SLC35F4: variants seen among roughly 807,000 people sequenced by gnomAD.
SLC35F4 encodes the protein solute carrier family 35 member F4, also known as chromosome 14 open reading frame 36.
In SLC35F4, 24 loss-of-function variants were observed where a neutral mutation model predicts 44.2. The observed-to-expected ratio is 0.54, with a 90% CI of 0.39 to 0.76. The LOEUF (loss-of-function observed/expected upper bound fraction) is 0.76, where lower values mean the gene tolerates loss of function less well. SLC35F4 is among the 30% of genes least tolerant of loss of function. The pLI, the probability that SLC35F4 is intolerant of heterozygous loss-of-function variation, is 0.00. For synonymous variants in SLC35F4, 238 were observed against 223.6 expected (o/e 1.06, Z -0.57); for missense variants, 562 against 586.1 (o/e 0.96, Z 0.42).
At chr14:57,627,076 C>T (rs1489579873) in intron 1 of SLC35F4, among the ~76,000 whole-genome samples, 1 of 152,102 alleles carries the variant, frequency 6.6e-6, no homozygotes, top group East Asian at 1.9e-4. Flanking sequence ...TATCCAAGGG[C>T]AAGGCAACAT....
intron 1 of SLC35F4, among the ~76,000 whole-genome samples, chr14:57,853,687 T>A (rs1886799045): frequency 6.6e-6 from 1 of 152,192 alleles, no homozygotes; most frequent in Admixed American, 6.5e-5. Flanking sequence ...CAGTGGCTAT[T>A]TTCGACCATT....
At chr14:57,580,338 A>G (rs910987607) in intron 4 of SLC35F4, 1 of 165,330 alleles carries the variant, frequency 6.0e-6, no homozygotes, top group African/African-American at 2.4e-5. Flanking sequence ...CAATGTTTTT[A>G]TAACAAAATA....
chr14:57,645,593 T>C (rs189041324), intron 1 of SLC35F4, among the ~76,000 whole-genome samples: 1 of 151,666 alleles, frequency 6.6e-6, no homozygotes, highest in African/African-American at 2.4e-5. Context: ...CTTCGTCTTT[T>C]CCTAATTGAA....
chr14:57,628,483 T>A (rs1333047127), intron 1 of SLC35F4, among the ~76,000 whole-genome samples: 2 of 141,868 alleles, frequency 1.4e-5, no homozygotes, highest in East Asian at 4.0e-4. Flanking sequence ...GTGTGAGATG[T>A]TCCCCTCCCT....
At chr14:57,588,774 G>A (rs1019341147) in intron 3 of SLC35F4, among the ~76,000 whole-genome samples, 1 of 152,150 alleles carries the variant, frequency 6.6e-6, no homozygotes, top group African/African-American at 2.4e-5. Flanking sequence ...AAATGTTTGT[G>A]TAACAATCTT....
chr14:57,630,714 G>A, intron 1 of SLC35F4: 1 of 553,208 alleles, frequency 1.8e-6, no homozygotes, highest in Non-Finnish European at 3.3e-6. Flanking sequence ...ATCATTTTTA[G>A]GCGTGTGTCA....
At chr14:57,894,492 ATAAAAT>A (rs1205274122) in intron 1 of SLC35F4, among the ~76,000 whole-genome samples, 1 of 152,140 alleles carries the variant, frequency 6.6e-6, no homozygotes, top group East Asian at 1.9e-4. Context: ...GTCACAGTAA[ATAAAAT>A]TAAGTGAAAA....
At chr14:57,690,008 G>T (rs1239370828) in intron 1 of SLC35F4, among the ~76,000 whole-genome samples, 2 of 151,984 alleles carry the variant, frequency 1.3e-5, no homozygotes, top group Non-Finnish European at 2.9e-5. Context: ...CATGCTTTCT[G>T]CCACCTCTAA....
chr14:57,722,218 T>C (rs2076102037), intron 1 of SLC35F4, among the ~76,000 whole-genome samples: 5 of 152,196 alleles, frequency 3.3e-5, no homozygotes. Flanking sequence ...CATTTAATGT[T>C]GCAGCTCAGG....
intron 1 of SLC35F4, among the ~76,000 whole-genome samples, chr14:57,804,973 C>T (rs1881127688): frequency 6.6e-6 from 1 of 152,070 alleles, no homozygotes; most frequent in African/African-American, 2.4e-5. Flanking sequence ...CATGAACAGA[C>T]ACTTCTCAAA....
intron 1 of SLC35F4, among the ~76,000 whole-genome samples, chr14:57,725,155 C>T (rs2076171415): frequency 1.3e-5 from 2 of 152,178 alleles, no homozygotes; most frequent in East Asian, 3.9e-4. Context: ...TCTGTGGACA[C>T]CTGTCAGCCT....
chr14:57,582,240 G>A (rs2069332812), intron 3 of SLC35F4, among the ~76,000 whole-genome samples: 1 of 151,914 alleles, frequency 6.6e-6, no homozygotes, highest in African/African-American at 2.4e-5. Flanking sequence ...CTCTTACCCA[G>A]GCTGGAATGC....
upstream of SLC35F4, among the ~76,000 whole-genome samples, chr14:57,868,889 A>G (rs1595257392): frequency 6.6e-6 from 1 of 152,386 alleles, no homozygotes; most frequent in East Asian, 1.9e-4. Flanking sequence ...TTCTGAAAGA[A>G]TAAAGAAAAG....
intron 1 of SLC35F4, among the ~76,000 whole-genome samples, chr14:57,749,387 A>G (rs2076831347): frequency 6.6e-6 from 1 of 152,144 alleles, no homozygotes. Flanking sequence ...ATCCAAGTGA[A>G]TGATCAGCGG....
At chr14:57,898,918 G>A (rs779644898) in intron 1 of SLC35F4, among the ~76,000 whole-genome samples, 1 of 152,172 alleles carries the variant, frequency 6.6e-6, no homozygotes, top group Non-Finnish European at 1.5e-5. Context: ...CTCCAGAAGA[G>A]CTGCAGGATC....
intron 1 of SLC35F4, among the ~76,000 whole-genome samples, chr14:57,916,402 A>T (rs1287378953): frequency 1.3e-5 from 2 of 152,036 alleles, no homozygotes; most frequent in Non-Finnish European, 2.9e-5. Flanking sequence ...GCTTCAAGAT[A>T]TTTTTCTTTA....
intron 1 of SLC35F4, among the ~76,000 whole-genome samples, chr14:57,745,132 G>A (rs937603380): frequency 1.2e-4 from 19 of 152,030 alleles, no homozygotes; most frequent in African/African-American, 3.6e-4. Flanking sequence ...TAAAAACCCT[G>A]GAAGAAAACC....
chr14:57,709,703 G>A (rs2075769777), intron 1 of SLC35F4, among the ~76,000 whole-genome samples: 1 of 152,092 alleles, frequency 6.6e-6, no homozygotes, highest in Non-Finnish European at 1.5e-5. Flanking sequence ...CTTTGAACTT[G>A]AAAGAGATGA....
chr14:57,617,992 T>C (rs1044337519), intron 1 of SLC35F4, among the ~76,000 whole-genome samples: 5 of 152,214 alleles, frequency 3.3e-5, no homozygotes, highest in African/African-American at 9.7e-5. Flanking sequence ...CAGTTTGTTC[T>C]TGGGTTAAGT....
Sources: gnomAD v4.1 joint callset for allele counts (sites outside exome capture counted in the v4.1 genomes callset) on GRCh38, gnomAD v4.1.1 for gene constraint, MANE v1.5 for transcripts, NCBI Gene and HGNC (gene_info 2026-07-23, HGNC 2026-07-21) for gene names.